MTBP: variants seen among roughly 807,000 people sequenced by gnomAD.
The protein encoded by MTBP is mdm2-binding protein.
A neutral mutation model predicts 117.0 loss-of-function variants in MTBP; 101 were observed. The ratio of observed to expected loss-of-function variants is 0.86; its 90% CI spans 0.73 to 1.02. The LOEUF is 1.02. MTBP is among the 50% of genes least tolerant of loss of function. The pLI, the probability that MTBP is intolerant of heterozygous loss-of-function variation, is 0.00. For missense variants in MTBP, 970 were observed against 1,030.9 expected (o/e 0.94, Z 0.81); for synonymous variants, 350 against 351.5 (o/e 1.00, Z 0.05).
intron 13 of MTBP, among the ~76,000 whole-genome samples, chr8:120,495,623 T>C (rs1814437125): frequency 6.6e-6 from 1 of 152,158 alleles, no homozygotes; most frequent in Non-Finnish European, 1.5e-5. Context: ...CTGATTTCCA[T>C]TCCTAGTTTC....
intron 6 of MTBP, 91 bp from the exon 7 acceptor site, chr8:120,456,462 A>G (rs1289441363): frequency 3.7e-5 from 30 of 801,832 alleles, no homozygotes; most frequent in Middle Eastern, 3.7e-4. Context: ...AAATTTTGCA[A>G]TTTTGCCTCT....
intron 17 of MTBP, among the ~76,000 whole-genome samples, chr8:120,514,959 G>A (rs1000303110): frequency 2.0e-4 from 30 of 152,068 alleles, no homozygotes; most frequent in African/African-American, 6.7e-4. Context: ...CTCTGACTCC[G>A]TAAGTCTGTA....
intron 9 of MTBP, 27 bp downstream of exon 9, chr8:120,461,282 T>A: frequency 6.9e-7 from 1 of 1,445,228 alleles, no homozygotes. Context: ...ATGTTCATTT[T>A]AGATTACATT....
At chr8:120,449,626 A>G (rs1449347385) in intron 2 of MTBP, among the ~76,000 whole-genome samples, 1 of 152,180 alleles carries the variant, frequency 6.6e-6, no homozygotes, top group African/African-American at 2.4e-5. Context: ...GCTTACGGAT[A>G]GTAGGGAGAA....
intron 2 of MTBP, among the ~76,000 whole-genome samples, chr8:120,449,662 T>C (rs1445641189): frequency 6.6e-6 from 1 of 152,192 alleles, no homozygotes; most frequent in African/African-American, 2.4e-5. Context: ...TGAATCCCAG[T>C]ATTTAGAAGA....
At chr8:120,505,470 T>G (rs1213713999) in intron 15 of MTBP, among the ~76,000 whole-genome samples, 1 of 152,188 alleles carries the variant, frequency 6.6e-6, no homozygotes, top group African/African-American at 2.4e-5. Context: ...TTTTGTTGAC[T>G]GTTTTTATTA....
At chr8:120,520,661 AT>A (rs1814995535) in intron 20 of MTBP, among the ~76,000 whole-genome samples, 1 of 152,172 alleles carries the variant, frequency 6.6e-6, no homozygotes, top group Non-Finnish European at 1.5e-5. Context: ...TTCCCAGGAA[AT>A]AATCTAGTTT....
intron 17 of MTBP, among the ~76,000 whole-genome samples, chr8:120,510,900 C>A (rs1394316523): frequency 6.6e-6 from 1 of 150,668 alleles, no homozygotes; most frequent in Non-Finnish European, 1.5e-5. Flanking sequence ...CAGAATGAGA[C>A]CCTGTCTCAA....
intron 7 of MTBP, among the ~76,000 whole-genome samples, chr8:120,458,526 C>T (rs1461203048): frequency 3.9e-5 from 6 of 152,070 alleles, no homozygotes; most frequent in Admixed American, 6.6e-5. Context: ...ATGTGAGACA[C>T]TGTGCTAAGG....
intron 20 of MTBP, among the ~76,000 whole-genome samples, chr8:120,521,391 A>G (rs7016071): frequency 2.0e-5 from 3 of 152,062 alleles, no homozygotes; most frequent in Admixed American, 2.0e-4. Flanking sequence ...AACACTGCCT[A>G]TTTACAATCA....
chr8:120,467,238 G>A (rs4379488), intron 10 of MTBP, among the ~76,000 whole-genome samples: 81,560 of 152,054 alleles, frequency 0.54, 24,845 homozygotes, highest in Non-Finnish European at 0.67. Context: ...TATTTCTTCA[G>A]AGAGAGGAAT....
chr8:120,489,646 C>T (rs1814301893), intron 12 of MTBP, among the ~76,000 whole-genome samples: 1 of 152,192 alleles, frequency 6.6e-6, no homozygotes, highest in Admixed American at 6.5e-5. Context: ...TGACAGAACA[C>T]ACTCACATGC....
chr8:120,520,790 A>G (rs926134101), intron 20 of MTBP, among the ~76,000 whole-genome samples: 3 of 38,736 alleles, frequency 7.7e-5, no homozygotes, highest in African/African-American at 1.2e-4. Flanking sequence ...TAGAATTAAA[A>G]AAAGAAAAAA....
chr8:120,491,272 A>G (rs963909285), intron 13 of MTBP, among the ~76,000 whole-genome samples: 11 of 152,136 alleles, frequency 7.2e-5, no homozygotes, highest in African/African-American at 2.4e-4. Context: ...TATTACATAT[A>G]TTATAAAATA....
At chr8:120,515,351 C>A (rs1431034040) in intron 17 of MTBP, among the ~76,000 whole-genome samples, 1 of 151,898 alleles carries the variant, frequency 6.6e-6, no homozygotes, top group African/African-American at 2.4e-5. Context: ...TTCATTGATG[C>A]CCTGAATCAG....
intron 17 of MTBP, among the ~76,000 whole-genome samples, chr8:120,512,017 T>A (rs777885153): frequency 9.9e-5 from 15 of 152,158 alleles, no homozygotes; most frequent in Non-Finnish European, 1.6e-4. Context: ...TCCTTCTTAT[T>A]CCATCAGCTA....
intron 15 of MTBP, among the ~76,000 whole-genome samples, chr8:120,505,540 T>C (rs989168738): frequency 2.6e-5 from 4 of 152,196 alleles, no homozygotes; most frequent in Admixed American, 2.0e-4. Flanking sequence ...ACTGTCAGTA[T>C]TTTATTGACC....
At chr8:120,446,568 C>G in intron 2 of MTBP, 55 bp downstream of exon 2, 1 of 1,093,938 alleles carries the variant, frequency 9.1e-7, no homozygotes. Context: ...TGGAAATTAA[C>G]TTAATTAATT....
intron 17 of MTBP, 114 bp from the exon 18 acceptor site, chr8:120,515,811 T>C: frequency 7.0e-6 from 7 of 996,420 alleles, no homozygotes; most frequent in Non-Finnish European, 1.0e-5. Flanking sequence ...CAGCAATTAT[T>C]AGGAAATTAA....
Sources: allele counts gnomAD v4.1 joint callset (sites outside exome capture counted in the v4.1 genomes callset), GRCh38; gene constraint gnomAD v4.1.1; transcripts MANE v1.5; gene names NCBI Gene and HGNC (gene_info 2026-07-23, HGNC 2026-07-21).